ERICH2: variants seen among roughly 807,000 people sequenced by gnomAD.
ERICH2 encodes the protein glutamate rich 2.
A neutral mutation model predicts 17.4 loss-of-function variants in ERICH2; 17 were observed. The observed-to-expected ratio is 0.98, with a 90% CI of 0.67 to 1.47. ERICH2 has a LOEUF of 1.47. Ranked by LOEUF, ERICH2 falls within the 40% of genes most tolerant of loss-of-function variation. The pLI is 0.00. For missense variants in ERICH2, 186 were observed against 183.2 expected, an observed-to-expected ratio of 1.01 and a Z score of -0.09; for synonymous variants, 51 against 61.1, an observed-to-expected ratio of 0.83 and a Z score of 0.77.
chr2:170,779,091 GT>G, upstream of ERICH2, among the ~76,000 whole-genome samples: 1 of 152,298 alleles, frequency 6.6e-6, no homozygotes, highest in East Asian at 1.9e-4. Context: ...CAGGTGTGTA[GT>G]TTTGTCACCT....
chr2:170,774,785 C>A, the ERICH2 span, among the ~76,000 whole-genome samples: 8 of 151,460 alleles, frequency 5.3e-5, no homozygotes, highest in Non-Finnish European at 1.2e-4. Context: ...TCATGTTAGC[C>A]AGGATGGTCT....
chr2:170,794,211 ATT>A (rs1701363633), intron 3 of ERICH2, among the ~76,000 whole-genome samples: 1 of 139,584 alleles, frequency 7.2e-6, no homozygotes, highest in Non-Finnish European at 1.5e-5. Flanking sequence ...AGTTCAAGTG[ATT>A]CTTATGCTTC....
chr2:170,788,973 A>T (rs1575409166), intron 2 of ERICH2, among the ~76,000 whole-genome samples: 2 of 144,282 alleles, frequency 1.4e-5, no homozygotes, highest in South Asian at 2.2e-4. Context: ...ATTTTTTTTA[A>T]TTTTTTGAGA....
the ERICH2 span, among the ~76,000 whole-genome samples, chr2:170,775,927 T>C: frequency 1.2e-4 from 18 of 152,308 alleles, no homozygotes; most frequent in South Asian, 3.7e-3. Flanking sequence ...TGGCCCTGAA[T>C]TTTATATTCC....
At chr2:170,786,314 T>G (rs1701159592) in intron 2 of ERICH2, among the ~76,000 whole-genome samples, 1 of 93,146 alleles carries the variant, frequency 1.1e-5, no homozygotes, top group Non-Finnish European at 3.0e-5. Context: ...TTGCCAAGAT[T>G]TTTTTTTTAG....
chr2:170,770,564 T>C, the ERICH2 span: 1 of 154,694 alleles, frequency 6.5e-6, no homozygotes, highest in Non-Finnish European at 1.5e-5. Context: ...CAGGGGACAC[T>C]TGTTCATCCA....
intron 1 of ERICH2, among the ~76,000 whole-genome samples, chr2:170,784,166 G>A (rs563471881): frequency 2.7e-4 from 41 of 152,180 alleles, no homozygotes; most frequent in Admixed American, 7.2e-4. Flanking sequence ...TACAAGAAGG[G>A]GTGGATGTAA....
upstream of ERICH2, among the ~76,000 whole-genome samples, chr2:170,779,633 AT>A (rs1700981790): frequency 6.6e-6 from 1 of 152,158 alleles, no homozygotes; most frequent in African/African-American, 2.4e-5. Context: ...AAGCATAAAG[AT>A]TGAGGGGAAT....
chr2:170,785,428 A>G (rs1282309675), intron 2 of ERICH2, among the ~76,000 whole-genome samples: 1 of 152,128 alleles, frequency 6.6e-6, no homozygotes, highest in Admixed American at 6.6e-5. Flanking sequence ...AAGTTTTGGT[A>G]TAAAACTCTT....
At chr2:170,779,362 G>C (rs1339766134), upstream of ERICH2, among the ~76,000 whole-genome samples, 1 of 152,062 alleles carries the variant, frequency 6.6e-6, no homozygotes, top group East Asian at 1.9e-4. Flanking sequence ...CTTTGCTCTA[G>C]TTTTTGTATT....
At chr2:170,773,201 T>C in the ERICH2 span, among the ~76,000 whole-genome samples, 1 of 152,184 alleles carries the variant, frequency 6.6e-6, no homozygotes, top group African/African-American at 2.4e-5. Context: ...AGGGTTTGCT[T>C]TGGGAAAGGG....
chr2:170,782,122 CTATT>C (rs61061202), upstream of ERICH2: 61,365 of 167,330 alleles, frequency 0.37, 11,564 homozygotes, highest in East Asian at 0.57. Context: ...TACATTTTAG[CTATT>C]TAGTTTATTG....
intron 3 of ERICH2, among the ~76,000 whole-genome samples, chr2:170,794,731 C>T (rs1338098728): frequency 6.6e-6 from 1 of 152,162 alleles, no homozygotes; most frequent in African/African-American, 2.4e-5. Context: ...AACTTAAATT[C>T]ATTCTTACAG....
chr2:170,796,529 A>T (rs6749003), intron 3 of ERICH2, among the ~76,000 whole-genome samples: 1 of 150,730 alleles, frequency 6.6e-6, no homozygotes, highest in South Asian at 2.1e-4. Context: ...TCCATCTCCT[A>T]GGTTCATGTC....
the ERICH2 span, chr2:170,778,162 G>A: frequency 6.6e-6 from 1 of 152,266 alleles, no homozygotes; most frequent in Admixed American, 6.5e-5. Flanking sequence ...CTAAGATCAA[G>A]TGTAAAAAAA....
chr2:170,798,869 C>T, exon 5 of ERICH2: 1 of 1,550,604 alleles, frequency 6.4e-7, no homozygotes. Context: ...GACGAGAGCT[C>T]TGACGAAGGT....
upstream of ERICH2, among the ~76,000 whole-genome samples, chr2:170,780,423 C>T (rs1205690550): frequency 6.6e-6 from 1 of 152,146 alleles, no homozygotes. Context: ...AGGATTTGAT[C>T]AGCTCTCATA....
At chr2:170,779,840 C>A (rs1700986756), upstream of ERICH2, 4 of 984,914 alleles carry the variant, frequency 4.1e-6, no homozygotes, top group Admixed American at 2.5e-4. Flanking sequence ...AAACTTAATA[C>A]CTCACCAACA....
intron 2 of ERICH2, among the ~76,000 whole-genome samples, chr2:170,787,892 C>G (rs2105703274): frequency 6.6e-6 from 1 of 152,226 alleles, no homozygotes; most frequent in Non-Finnish European, 1.5e-5. Flanking sequence ...ATCTGTTGTC[C>G]AGTTTCTGAA....
Sources: gnomAD v4.1 joint callset for allele counts (sites outside exome capture counted in the v4.1 genomes callset) on GRCh38, gnomAD v4.1.1 for gene constraint, MANE v1.5 for transcripts, NCBI Gene and HGNC (gene_info 2026-07-23, HGNC 2026-07-21) for gene names.